CD24: variants seen among roughly 807,000 people sequenced by gnomAD.
CD24 encodes the protein signal transducer CD24.
Under a neutral mutation model 3.6 loss-of-function variants are expected in CD24, and 2 were observed. The ratio of observed to expected loss-of-function variants is 0.56; its 90% CI spans 0.23 to 1.77. CD24 has a LOEUF of 1.77. Among genes scored for constraint, CD24 ranks in the 40% most tolerant of loss-of-function variants. CD24 has a pLI of 0.18. For missense variants in CD24, 62 were observed against 93.6 expected, an observed-to-expected ratio of 0.66 and a Z score of 1.39; for synonymous variants, 33 against 44.9, an observed-to-expected ratio of 0.74 and a Z score of 1.06.
Position 106,974,562 on chromosome 6 carries a change from G to C in CD24, c.69+16C>G, listed in dbSNP as rs948380532. 1 of 1,415,834 alleles carries C rather than the reference G, an allele frequency of 7.1e-7. No individual in the cohort carries two copies. The highest frequency in any genetic ancestry group is 9.2e-7 in the Non-Finnish European group (1 of 1,086,116). 87.7% of individuals were successfully genotyped at this position (1,415,834 alleles called of 1,614,324 possible). A position where few individuals can be genotyped will look rare whatever the true frequency, so the allele number is the denominator to read the frequency against. On this transcript the variant is annotated intron_variant, in intron 1 of 1. Transcript: ENST00000606017. Reference sequence around the variant, plus strand: ...CGGGAACGGCCCTCGAGCCCCGCCGGGCGCCAGGGCCTCACCTGCGTGGGT... The same window carrying C: ...CGGGAACGGCCCTCGAGCCCCGCCGCGCGCCAGGGCCTCACCTGCGTGGGT...
At chr6:106,975,338 G>A (rs1773084440), upstream of CD24, 1 of 152,062 alleles carries the variant, frequency 6.6e-6, no homozygotes, top group Non-Finnish European at 1.5e-5. Context: ...GAACGCGGCG[G>A]GCGTGGCGCG....
At chr6:106,974,135 CTT>C in intron 1 of CD24, 1 of 391,862 alleles carries the variant, frequency 2.6e-6, no homozygotes. Context: ...CGTCGCCTCT[CTT>C]TGTGTAGAGC....
upstream of CD24, chr6:106,974,825 C>T: frequency 4.4e-6 from 2 of 454,074 alleles, no homozygotes; most frequent in Non-Finnish European, 3.6e-6. Context: ...CCTCCGCCGC[C>T]GCCCGCCGCC....
In CD24 at chr6:106,970,305, G is replaced by A. The variant is rs1290827358; in HGVS notation, c.*1356C>T. The A allele has an allele frequency of 7.2e-5, 11 of 152,448 alleles. No homozygotes were observed. Among genetic ancestry groups the A allele is most frequent in the African/African-American group, 2.4e-4 (10 of 41,388 alleles). 9.4% of individuals were successfully genotyped at this position (152,448 alleles called of 1,614,324 possible). The stretch of plus-strand genomic sequence containing the variant: ...AATGTGGCTATTCTGATCCATAGTT[G>A]TTTTTTAAAGAAAAAAAATGTATAT... On this transcript the variant is annotated 3_prime_UTR_variant, in exon 2 of 2. Transcript: ENST00000606017.
At chr6:106,974,446 A>G in intron 1 of CD24, 132 bp downstream of exon 1, 2 of 557,708 alleles carry the variant, frequency 3.6e-6, no homozygotes, top group Non-Finnish European at 6.0e-6. Context: ...TGGTCAGCTA[A>G]GCAAGATTCT....
upstream of CD24, among the ~76,000 whole-genome samples, chr6:106,976,490 A>G (rs938784456): frequency 1.3e-5 from 2 of 152,156 alleles, no homozygotes; most frequent in Admixed American, 6.5e-5. Flanking sequence ...GTGCTTGGGA[A>G]CACAAGAATT....
upstream of CD24, among the ~76,000 whole-genome samples, chr6:106,976,737 C>T (rs1193142248): frequency 1.3e-5 from 2 of 152,150 alleles, no homozygotes; most frequent in East Asian, 3.9e-4. Context: ...CATGGTTGCT[C>T]ATACCTGTAA....
rs1338812904 is a variant in CD24, at chr6:106,970,614, C to T, written c.*1047G>A. 1 of 152,068 alleles carries T rather than the reference C, an allele frequency of 6.6e-6. No homozygotes were observed. The highest frequency in any genetic ancestry group is 1.5e-5 in the Non-Finnish European group (1 of 68,016). 9.4% of individuals were successfully genotyped at this position (152,068 alleles called of 1,614,324 possible). ...ATCACCTGAGGTCAGGAGTTCGAAACCAGCCTGGGCAACATGGTGAAACCC... is the reference window on the plus strand; with the variant it reads ...ATCACCTGAGGTCAGGAGTTCGAAATCAGCCTGGGCAACATGGTGAAACCC... On this transcript the variant is annotated 3_prime_UTR_variant, in exon 2 of 2. Coordinates refer to ENST00000606017, the MANE Select transcript of CD24 (RefSeq NM_001359084.1).
At chr6:106,975,317 A>T (rs1200793199), upstream of CD24, 1 of 151,864 alleles carries the variant, frequency 6.6e-6, no homozygotes, top group African/African-American at 2.4e-5. Context: ...GGCCCGCCGC[A>T]GAGGAAAGGG....
At chr6:106,975,548 G>C (rs1241130787), upstream of CD24, 2 of 152,310 alleles carry the variant, frequency 1.3e-5, no homozygotes, top group Non-Finnish European at 2.9e-5. Flanking sequence ...TGAGCTCACG[G>C]GGGCGTCCCG....
chr6:106,975,282 G>A (rs995014258), upstream of CD24: 35 of 152,096 alleles, frequency 2.3e-4, no homozygotes, highest in African/African-American at 8.0e-4. Context: ...CGGGCGCCGG[G>A]ACCCCTCGGG....
upstream of CD24, among the ~76,000 whole-genome samples, chr6:106,974,960 G>T (rs1380406261): frequency 1.3e-5 from 2 of 149,440 alleles, no homozygotes; most frequent in Admixed American, 1.3e-4. Flanking sequence ...GTGGGCGGGC[G>T]CCGCCGGCTG....
chr6:106,974,932 G>A (rs1323845306), upstream of CD24, among the ~76,000 whole-genome samples: 9 of 144,318 alleles, frequency 6.2e-5, no homozygotes, highest in Admixed American at 3.5e-4. Context: ...GGAGCCCCCC[G>A]GGCGGGCGCC....
chr6:106,974,083 G>A (rs1186707168), intron 1 of CD24: 2 of 396,806 alleles, frequency 5.0e-6, no homozygotes, highest in East Asian at 3.6e-5. Context: ...ATCCAACTCC[G>A]AGGGTGGAGG....
Position 106,970,934 on chromosome 6 carries a change from C to T in CD24, c.*727G>A, listed in dbSNP as rs1295100755. The T allele has an allele frequency of 6.6e-6, 1 of 152,200 alleles. No individual in the cohort carries two copies. Among genetic ancestry groups the T allele is most frequent in the Non-Finnish European group, 1.5e-5 (1 of 68,062 alleles). The allele number at this position is 152,200 out of a possible 1,614,324, so 9.4% of individuals were successfully genotyped here. ...AATGGAAACAGGTGATAGGAAATGC[C>T]TACCATTTGACTCAATATGGATAAT... On this transcript the variant is annotated 3_prime_UTR_variant, in exon 2 of 2. Coordinates refer to ENST00000606017, the MANE Select transcript of CD24 (RefSeq NM_001359084.1).
chr6:106,974,505 C>A, intron 1 of CD24, 73 bp downstream of exon 1: 1 of 878,956 alleles, frequency 1.1e-6, no homozygotes, highest in Non-Finnish European at 1.6e-6. Context: ...GACGGTCCCC[C>A]GGGACCGGGT....
rs948380532 is a variant in CD24, at chr6:106,974,562, G to A, written c.69+16C>T. 7,400 of 1,415,822 alleles carry A rather than the reference G, an allele frequency of 5.2e-3. 315 individuals are homozygous for A. The African/African-American group carries it at 0.096, about 18-fold the overall frequency. The allele number at this position is 1,415,822 out of a possible 1,614,324, so 87.7% of individuals were successfully genotyped here. Reference sequence around the variant, plus strand: ...CGGGAACGGCCCTCGAGCCCCGCCGGGCGCCAGGGCCTCACCTGCGTGGGT... The same window carrying A: ...CGGGAACGGCCCTCGAGCCCCGCCGAGCGCCAGGGCCTCACCTGCGTGGGT... On this transcript the variant is annotated intron_variant, in intron 1 of 1. Coordinates refer to ENST00000606017, the MANE Select transcript of CD24 (RefSeq NM_001359084.1).
At chr6:106,972,671 C>T (rs1773002836) in intron 1 of CD24, among the ~76,000 whole-genome samples, 1 of 152,086 alleles carries the variant, frequency 6.6e-6, no homozygotes, top group Admixed American at 6.6e-5. Context: ...ATGCACAGTC[C>T]AGTAGGGCAC....
chr6:106,971,963 CATT>C (rs1281182089), intron 1 of CD24, 129 bp from the exon 2 acceptor site: 5 of 658,930 alleles, frequency 7.6e-6, no homozygotes, highest in African/African-American at 1.8e-5. Context: ...TACCCAACAT[CATT>C]AACTTCTGAA....
Sources: gnomAD v4.1 joint callset for allele counts (sites outside exome capture counted in the v4.1 genomes callset) on GRCh38, gnomAD v4.1.1 for gene constraint, MANE v1.5 for transcripts, NCBI Gene and HGNC (gene_info 2026-07-23, HGNC 2026-07-21) for gene names.